Variants in SNAPC3 observed in about 807,000 individuals in gnomAD.
SNAPC3 encodes small nuclear RNA activating complex polypeptide 3.
A neutral mutation model predicts 47.7 loss-of-function variants in SNAPC3; 56 were observed. That is an observed-to-expected ratio of 1.18 (90% CI 0.95 to 1.47). SNAPC3 has a LOEUF of 1.47. SNAPC3 is among the 40% of genes most tolerant of loss of function. The pLI, the probability that SNAPC3 is intolerant of heterozygous loss-of-function variation, is 0.00. For synonymous variants in SNAPC3, 235 were observed against 189.9 expected (o/e 1.24, Z -1.95); for missense variants, 665 against 511.3 (o/e 1.30, Z -2.90).
At chr9:15,427,775 T>TA (rs2031616902) in intron 2 of SNAPC3, among the ~76,000 whole-genome samples, 1 of 152,142 alleles carries the variant, frequency 6.6e-6, no homozygotes, top group Non-Finnish European at 1.5e-5. Flanking sequence ...AAAAGGAACT[T>TA]ACAGAGTCCT....
chr9:15,444,441 T>A (rs57901140), intron 3 of SNAPC3, among the ~76,000 whole-genome samples, 161 bp from the exon 4 acceptor site: 1 of 152,242 alleles, frequency 6.6e-6, no homozygotes, highest in Non-Finnish European at 1.5e-5. Context: ...TGAAAGAAGA[T>A]GAAACTAAAG....
At chr9:15,454,305 C>G (rs965427378) in intron 7 of SNAPC3, among the ~76,000 whole-genome samples, 5 of 151,988 alleles carry the variant, frequency 3.3e-5, no homozygotes, top group African/African-American at 9.7e-5. Flanking sequence ...GTCTTACTGA[C>G]TCTTCTCCAA....
In SNAPC3 at chr9:15,444,660, A is replaced by G. The variant is rs754125073; in HGVS notation, c.536A>G (p.Glu179Gly). 6.2e-7 allele frequency: 1 copy of G among 1,612,484 alleles called. No individual in the cohort carries two copies. Among genetic ancestry groups the G allele is most frequent in the Non-Finnish European group, 8.5e-7 (1 of 1,178,532 alleles). ...TCAGCAGACATGATTGAAGAAGGGG[A>G]GCTTATCCTATCTGTGAATATCTTG... ...ENSADMIEEG[E>G]LILSVNILYP... The change falls in exon 4 of 9, where the codon GAG becomes GGG. Residue 179 changes from glutamate (E) to glycine (G), a missense_variant. By Grantham distance (98) the Glu-to-Gly change is moderately conservative. Coordinates refer to ENST00000380821, the MANE Select transcript of SNAPC3 (RefSeq NM_001039697.2).
chr9:15,443,005 C>T (rs2033621308), intron 3 of SNAPC3, among the ~76,000 whole-genome samples: 1 of 152,156 alleles, frequency 6.6e-6, no homozygotes, highest in African/African-American at 2.4e-5. Context: ...CCCGTCTCCA[C>T]CAAAAAAATA....
chr9:15,445,631 A>G (rs56084022), intron 4 of SNAPC3, among the ~76,000 whole-genome samples: 106,721 of 151,612 alleles, frequency 0.7, 39,699 homozygotes, highest in Admixed American at 0.82. Flanking sequence ...GATGTAGTTA[A>G]TACTAATCTT....
chr9:15,459,814 A>C lies in SNAPC3; in HGVS notation c.1184A>C (p.Lys395Thr). The C allele has an allele frequency of 1.9e-6, 3 of 1,613,486 alleles. No homozygotes were observed. In the East Asian group the frequency reaches 6.7e-5, roughly 36 times the overall value. ...RMLHYDSEGN[K>T]LGEFLAYPYV... ...CTGCACTATGATTCAGAAGGCAACA[A>C]ACTGGGGGAATTCCTTGCTTATCCT... is the stretch of plus-strand genomic sequence containing the variant. Residue 395 changes from lysine to threonine, a missense_variant, in exon 9 of 9, where the codon AAA becomes ACA. Physicochemically the swap from Lys to Thr is moderately conservative, Grantham distance 78 (BLOSUM62 -1). Coordinates refer to ENST00000380821, the MANE Select transcript of SNAPC3 (RefSeq NM_001039697.2).
chr9:15,429,008 C>T (rs1481935404), intron 2 of SNAPC3, among the ~76,000 whole-genome samples: 2 of 151,890 alleles, frequency 1.3e-5, no homozygotes, highest in African/African-American at 2.4e-5. Context: ...CCCTAGGTAC[C>T]TGGAAAAATT....
intron 5 of SNAPC3, among the ~76,000 whole-genome samples, chr9:15,448,114 A>T (rs189157822): frequency 6.6e-6 from 1 of 152,310 alleles, no homozygotes; most frequent in Admixed American, 6.5e-5. Flanking sequence ...AGAGATAAGT[A>T]AAAAGATATT....
intron 3 of SNAPC3, among the ~76,000 whole-genome samples, chr9:15,435,956 G>T (rs1232245413): frequency 6.9e-6 from 1 of 144,900 alleles, no homozygotes; most frequent in Non-Finnish European, 1.5e-5. Context: ...TGATGCTTCT[G>T]CATCTGCCTC....
At chr9:15,424,633 G>C (rs1210871841) in intron 2 of SNAPC3, among the ~76,000 whole-genome samples, 1 of 152,126 alleles carries the variant, frequency 6.6e-6, no homozygotes, top group African/African-American at 2.4e-5. Context: ...GTCATTTTCT[G>C]TACAGATTGG....
At chr9:15,463,182 C>T (rs1349609774), downstream of SNAPC3, 1 of 148,494 alleles carries the variant, frequency 6.7e-6, no homozygotes, top group Non-Finnish European at 1.5e-5. Context: ...AGAAAACCTT[C>T]AATGGTCAGT....
intron 5 of SNAPC3, 25 bp from the exon 6 acceptor site, chr9:15,451,295 C>T (rs771735612): frequency 7.3e-6 from 7 of 955,670 alleles, no homozygotes; most frequent in South Asian, 1.8e-5. Flanking sequence ...TTGATTTTCT[C>T]TCAATACAAT....
chr9:15,442,361 C>G (rs1212141287), intron 3 of SNAPC3, among the ~76,000 whole-genome samples: 4 of 151,592 alleles, frequency 2.6e-5, no homozygotes, highest in Non-Finnish European at 5.9e-5. Context: ...AGAGACGCTC[C>G]TCACCTCCCA....
intron 4 of SNAPC3, among the ~76,000 whole-genome samples, chr9:15,445,024 T>G (rs1334030983): frequency 6.6e-6 from 1 of 152,066 alleles, no homozygotes; most frequent in Non-Finnish European, 1.5e-5. Context: ...GCCTAGGAAT[T>G]CAAGGTTGTA....
At chr9:15,441,821 ATTTCTCTATCTTT>A (rs568191991) in intron 3 of SNAPC3, among the ~76,000 whole-genome samples, 117 of 152,260 alleles carry the variant, frequency 7.7e-4, no homozygotes, top group African/African-American at 2.6e-3. Context: ...CAACAATCTG[ATTTCTCTATCTTT>A]TCCCCACATT....
At chr9:15,443,688 C>G (rs2033697715) in intron 3 of SNAPC3, among the ~76,000 whole-genome samples, 1 of 152,140 alleles carries the variant, frequency 6.6e-6, no homozygotes, top group Non-Finnish European at 1.5e-5. Flanking sequence ...CTGGACCAGG[C>G]ACTCGGCATC....
At chr9:15,466,369 ACT>A (rs1405789102), downstream of SNAPC3, among the ~76,000 whole-genome samples, 5 of 151,690 alleles carry the variant, frequency 3.3e-5, no homozygotes, top group East Asian at 3.9e-4. Context: ...CAAGAGTGAA[ACT>A]CTGTCTCAAA....
At chr9:15,436,897 C>G (rs1257131153) in intron 3 of SNAPC3, among the ~76,000 whole-genome samples, 1 of 145,110 alleles carries the variant, frequency 6.9e-6, no homozygotes, top group African/African-American at 2.5e-5. Flanking sequence ...GATCTTGGCT[C>G]ACCGCAACCT....
At chr9:15,431,884 C>CTTTTTTTT (rs36102225) in intron 2 of SNAPC3, 6 of 98,142 alleles carry the variant, frequency 6.1e-5, no homozygotes, top group African/African-American at 1.2e-4. Flanking sequence ...TAAAGCCTGT[C>CTTTTTTTT]TTTTTTTTTT....
Sources: gnomAD v4.1 joint callset for allele counts (sites outside exome capture counted in the v4.1 genomes callset) on GRCh38, gnomAD v4.1.1 for gene constraint, MANE v1.5 for transcripts, NCBI Gene and HGNC (gene_info 2026-07-23, HGNC 2026-07-21) for gene names.